Variants in SH3GL3 observed in about 807,000 individuals in gnomAD.
The protein encoded by SH3GL3 is endophilin-A3.
SH3GL3 carries 33 observed loss-of-function variants against 47.7 expected under a neutral mutation model. That is an observed-to-expected ratio of 0.69 (90% CI 0.52 to 0.92). SH3GL3 has a LOEUF of 0.92. Ranked by LOEUF, SH3GL3 falls within the 40% of genes least tolerant of loss-of-function variation. The pLI is 0.00. For missense variants in SH3GL3, 363 were observed against 417.8 expected (o/e 0.87, Z 1.14); for synonymous variants, 155 against 148.8 (o/e 1.04, Z -0.30).
At chr15:83,503,879 C>T (rs187045573) in intron 1 of SH3GL3, among the ~76,000 whole-genome samples, 2 of 152,258 alleles carry the variant, frequency 1.3e-5, no homozygotes, top group African/African-American at 2.4e-5. Context: ...TAAGAAAAGG[C>T]GCATTTCCCC....
chr15:83,571,536 G>A (rs1374975949), intron 4 of SH3GL3, among the ~76,000 whole-genome samples: 2 of 151,996 alleles, frequency 1.3e-5, no homozygotes, highest in Admixed American at 6.6e-5. Flanking sequence ...TTAGAGTAAC[G>A]GTTCCTACTT....
chr15:83,482,774 G>C (rs1365088412), intron 1 of SH3GL3, among the ~76,000 whole-genome samples: 14 of 152,074 alleles, frequency 9.2e-5, no homozygotes, highest in Admixed American at 9.2e-4. Flanking sequence ...TTACAAGCAT[G>C]AGGCACCGCG....
intron 1 of SH3GL3, among the ~76,000 whole-genome samples, chr15:83,518,437 G>T (rs992829659): frequency 6.6e-6 from 1 of 152,198 alleles, no homozygotes; most frequent in Non-Finnish European, 1.5e-5. Context: ...CTTTCTGACT[G>T]GTGTGAGATG....
At chr15:83,562,030 A>AACACACACACACACACACAC (rs55856428) in intron 2 of SH3GL3, among the ~76,000 whole-genome samples, 7 of 132,976 alleles carry the variant, frequency 5.3e-5, no homozygotes, top group African/African-American at 1.6e-4. Context: ...ACACACACAC[A>AACACACACACACACACACAC]ACACACACAC....
intron 1 of SH3GL3, among the ~76,000 whole-genome samples, chr15:83,463,755 C>CTTTCT (rs1555472516): frequency 0.29 from 38,002 of 133,040 alleles, 6,033 homozygotes; most frequent in African/African-American, 0.31. Context: ...CCCATGTCTG[C>CTTTCT]TTTCTTTCTT....
intron 1 of SH3GL3, among the ~76,000 whole-genome samples, chr15:83,516,758 A>C (rs2042994788): frequency 6.6e-6 from 1 of 152,176 alleles, no homozygotes; most frequent in Admixed American, 6.5e-5. Context: ...ATTGGGGATT[A>C]CAATTGAACA....
At chr15:83,497,005 A>G (rs930788109) in intron 1 of SH3GL3, among the ~76,000 whole-genome samples, 18 of 151,972 alleles carry the variant, frequency 1.2e-4, no homozygotes, top group African/African-American at 4.1e-4. Flanking sequence ...TCCCTCCACT[A>G]TCTTTCCTAT....
At chr15:83,468,992 G>A (rs530013113) in intron 1 of SH3GL3, among the ~76,000 whole-genome samples, 4 of 152,058 alleles carry the variant, frequency 2.6e-5, no homozygotes, top group Non-Finnish European at 4.4e-5. Flanking sequence ...CAAATTACAC[G>A]TTTAATGTCC....
At chr15:83,565,098 G>T in intron 2 of SH3GL3, 36 bp from the exon 3 acceptor site, 1 of 900,880 alleles carries the variant, frequency 1.1e-6, no homozygotes, top group Non-Finnish European at 1.8e-6. Context: ...TATTGAGTTT[G>T]TCATTTACTA....
intron 8 of SH3GL3, among the ~76,000 whole-genome samples, chr15:83,601,259 A>G (rs754515635): frequency 7.9e-5 from 12 of 152,222 alleles, no homozygotes; most frequent in Non-Finnish European, 1.5e-4. Flanking sequence ...GAGAGTGGGC[A>G]TCCTTGTCTT....
At chr15:83,632,773 A>C in the SH3GL3 span, among the ~76,000 whole-genome samples, 4 of 152,342 alleles carry the variant, frequency 2.6e-5, no homozygotes, top group East Asian at 7.7e-4. Flanking sequence ...GATTATGGGA[A>C]CTACAATTCA....
chr15:83,546,457 A>G (rs1204817703), intron 1 of SH3GL3, among the ~76,000 whole-genome samples: 1 of 151,658 alleles, frequency 6.6e-6, no homozygotes, highest in African/African-American at 2.4e-5. Flanking sequence ...GGGTGGGTTA[A>G]GGAATGCCCT....
intron 1 of SH3GL3, among the ~76,000 whole-genome samples, chr15:83,463,207 T>C (rs1394585980): frequency 6.6e-6 from 1 of 152,222 alleles, no homozygotes; most frequent in African/African-American, 2.4e-5. Context: ...GTTCTGCACA[T>C]ATGCATACAT....
At chr15:83,591,840 C>T (rs2060111088) in intron 8 of SH3GL3, among the ~76,000 whole-genome samples, 2 of 152,126 alleles carry the variant, frequency 1.3e-5, no homozygotes, top group East Asian at 1.9e-4. Flanking sequence ...CGCCCGATAC[C>T]GTGCCTGGCT....
At chr15:83,560,530 A>T (rs1048707449) in intron 2 of SH3GL3, among the ~76,000 whole-genome samples, 15 of 152,228 alleles carry the variant, frequency 9.9e-5, no homozygotes, top group Non-Finnish European at 1.5e-5. Flanking sequence ...AAAATGATTC[A>T]GTTGAAATGT....
chr15:83,553,895 G>A (rs1279284662), intron 1 of SH3GL3, among the ~76,000 whole-genome samples: 5 of 151,844 alleles, frequency 3.3e-5, no homozygotes, highest in South Asian at 2.1e-4. Context: ...TATTCTCACC[G>A]TTGTTTCCTA....
At chr15:83,631,696 A>G in the SH3GL3 span, among the ~76,000 whole-genome samples, 1 of 152,312 alleles carries the variant, frequency 6.6e-6, no homozygotes, top group Non-Finnish European at 1.5e-5. Flanking sequence ...GAGGCTGCAT[A>G]GAGCCGGTTG....
Position 83,618,381 on chromosome 15 carries a change from C to G in SH3GL3, c.*94C>G, listed in dbSNP as rs2060884130. 2.6e-6 allele frequency: 2 copies of G among 768,502 alleles called. No homozygotes were observed. Among genetic ancestry groups the G allele is most frequent in the East Asian group, 5.1e-5 (2 of 39,380 alleles). 47.6% of individuals were successfully genotyped at this position (768,502 alleles called of 1,614,324 possible). On this transcript the variant is annotated 3_prime_UTR_variant, in exon 9 of 9. Transcript: ENST00000427482. ...GGTGTTCTGTGACATCCTTTGCTCTCTGACCAACTTAATGACTTTTGTATG... is the reference window on the plus strand; with the variant it reads ...GGTGTTCTGTGACATCCTTTGCTCTGTGACCAACTTAATGACTTTTGTATG...
chr15:83,569,604 C>T (rs2045719097), intron 4 of SH3GL3, among the ~76,000 whole-genome samples: 1 of 152,158 alleles, frequency 6.6e-6, no homozygotes, highest in Admixed American at 6.5e-5. Flanking sequence ...AGAAGGGTTA[C>T]ACTCATTTGA....
Sources: gnomAD v4.1 joint callset for allele counts (sites outside exome capture counted in the v4.1 genomes callset) on GRCh38, gnomAD v4.1.1 for gene constraint, MANE v1.5 for transcripts, NCBI Gene and HGNC (gene_info 2026-07-23, HGNC 2026-07-21) for gene names.